Variants in NOD2 observed in about 807,000 individuals in gnomAD.
NOD2 encodes the protein nucleotide-binding oligomerization domain-containing protein 2.
In NOD2, 86 loss-of-function variants were observed where a neutral mutation model predicts 90.9. The ratio of observed to expected loss-of-function variants is 0.95; its 90% confidence interval spans 0.79 to 1.13. The LOEUF is 1.13. Among genes scored for constraint, NOD2 ranks in the 50% most tolerant of loss-of-function variants. The probability of loss-of-function intolerance (pLI) is 0.00; values close to 1 mark genes in which losing one functional copy is unlikely to be tolerated. For missense variants in NOD2, 1,238 were observed against 1,283.8 expected (o/e 0.96, Z 0.55); for synonymous variants, 581 against 554.6 (o/e 1.05, Z -0.67).
intron 2 of NOD2, among the ~76,000 whole-genome samples, chr16:50,704,373 A>G (rs968206000): frequency 6.6e-6 from 1 of 152,130 alleles, no homozygotes; most frequent in African/African-American, 2.4e-5. Flanking sequence ...TATGAAAGTT[A>G]AAATTTCTGA....
chr16:50,711,419 A>AG lies in NOD2; in HGVS notation c.1434dup (p.Ser479ValfsTer73), dbSNP rs754761524. 81 of 1,613,460 alleles carry AG rather than the reference A, an allele frequency of 5.0e-5. No homozygotes were observed. The highest frequency in any genetic ancestry group is 1.1e-4 in the South Asian group (10 of 91,074). ...TGCCACCAGGAACTGTTGCTGCAGG[A>AG]GGGGGGGTCCCCAAAGACCACTACA... is the stretch of plus-strand genomic sequence containing the variant. On this transcript the variant is annotated frameshift_variant, in exon 4 of 12. Coordinates refer to ENST00000647318, the MANE Select transcript of NOD2 (RefSeq NM_001370466.1). LOFTEE classifies it high-confidence loss of function.
chr16:50,731,798 G>A lies in NOD2; in HGVS notation c.3021G>A (p.Arg1007=). The A allele has an allele frequency of 1.9e-6, 3 of 1,613,762 alleles. No homozygotes were observed. The highest frequency in any genetic ancestry group is 3.3e-4 in the Middle Eastern group (2 of 6,056). The change falls in exon 12 of 12, where the codon AGG becomes AGA. Residue 1007 remains arginine, a synonymous_variant. Coordinates refer to ENST00000647318, the MANE Select transcript of NOD2 (RefSeq NM_001370466.1). ...AGGAGGTTGACAAGCTCGGCTGCAG[G>A]GACACCAGACTCTTGCTTTGAAGTC... is the stretch of plus-strand genomic sequence containing the variant. ...SLEEVDKLGC[R]DTRLLL
chr16:50,727,633 G>C (rs1178203042), intron 10 of NOD2: 1 of 333,164 alleles, frequency 3.0e-6, no homozygotes, highest in Non-Finnish European at 6.0e-6. Context: ...CAGTTGGCTA[G>C]AGGTCAGGTA....
chr16:50,718,581 T>G (rs1964904119), intron 6 of NOD2, among the ~76,000 whole-genome samples: 1 of 152,228 alleles, frequency 6.6e-6, no homozygotes. Context: ...ATCATTGTAA[T>G]AGAGAGCACA....
intron 4 of NOD2, among the ~76,000 whole-genome samples, chr16:50,716,378 G>A (rs1964792919): frequency 6.6e-6 from 1 of 152,132 alleles, no homozygotes; most frequent in South Asian, 2.1e-4. Context: ...CCTACGTCCT[G>A]GGCCATCCCC....
In NOD2 at chr16:50,725,481, C is replaced by A; in HGVS notation, c.2802-8C>A. 6.2e-7 allele frequency: 1 copy of A among 1,610,530 alleles called. No individual in the cohort carries two copies. The highest frequency in any genetic ancestry group is 8.5e-7 in the Non-Finnish European group (1 of 1,176,806). ...TATCAACTGGATTTTCTCTCTTCTT[C>A]TCACCAGCCTGGAGGAGAACCATCT... is the stretch of plus-strand genomic sequence containing the variant. On this transcript the variant is annotated splice_polypyrimidine_tract_variant and splice_region_variant and intron_variant, in intron 9 of 11. Coordinates refer to ENST00000647318, the MANE Select transcript of NOD2 (RefSeq NM_001370466.1).
Position 50,711,058 on chromosome 16 carries a change from G to T in NOD2, c.1066G>T (p.Glu356Ter), listed in dbSNP as rs104895477. ...CCTGTTAACCTTTGATGGCTTTGAC[G>T]AGTTCAAGTTCAGGTTCACGGATCG... ...RVLLTFDGFD[E>*]FKFRFTDRER... The change falls in exon 4 of 12, where the codon GAG becomes TAG. Residue 356 changes from glutamate (E) to a stop codon, truncating the protein, a stop_gained. Transcript: ENST00000647318. LOFTEE classifies it high-confidence loss of function. 5.6e-6 allele frequency: 9 copies of T among 1,614,144 alleles called. No individual in the cohort carries two copies. The Admixed American group carries it at 1.5e-4, about 27-fold the overall frequency.
Position 50,711,108 on chromosome 16 carries a change from C to T in NOD2, c.1116C>T (p.Asp372=). 1 of 1,614,182 alleles carries T rather than the reference C, an allele frequency of 6.2e-7. No homozygotes were observed. The highest frequency in any genetic ancestry group is 1.3e-5 in the African/African-American group (1 of 75,066). ...TDRERHCSPT[D]PTSVQTLLFN... ...GTGAACGCCACTGCTCCCCGACCGACCCCACCTCTGTCCAGACCCTGCTCT... is the reference window on the plus strand; with the variant it reads ...GTGAACGCCACTGCTCCCCGACCGATCCCACCTCTGTCCAGACCCTGCTCT... Residue 372 remains aspartate (D), a synonymous_variant, in exon 4 of 12, where the codon GAC becomes GAT. Coordinates refer to ENST00000647318, the MANE Select transcript of NOD2 (RefSeq NM_001370466.1).
At position 50,710,989 on chromosome 16, in the gene NOD2, C is replaced by G. The variant is rs1346043018; in HGVS notation, c.997C>G (p.Gln333Glu). 6.2e-7 allele frequency: 1 copy of G among 1,614,196 alleles called. No homozygotes were observed. The highest frequency in any genetic ancestry group is 8.5e-7 in the Non-Finnish European group (1 of 1,180,036). ...GCACTGCTGTTGGCCTGATGTTGGT[C>G]AAGAAGACATCTTCCAGTTACTCCT... ...FEHCCWPDVG[Q>E]EDIFQLLLDH... Residue 333 changes from glutamine (Q) to glutamate (E), a missense_variant, in exon 4 of 12, where the codon CAA (glutamine) becomes GAA (glutamate). By Grantham distance (29) the Gln-to-Glu change is conservative. Coordinates refer to ENST00000647318, the MANE Select transcript of NOD2 (RefSeq NM_001370466.1).
In NOD2 at chr16:50,725,522, A is replaced by G. The variant is rs756968128; in HGVS notation, c.2835A>G (p.Val945=). ...LEENHLQDEG[V]CSLAEGLKKN... ...AGAACCATCTCCAGGATGAAGGTGT[A>G]TGTTCTCTCGCAGAAGGACTGAAGA... The change falls in exon 10 of 12, where the codon GTA becomes GTG. Residue 945 remains valine, a synonymous_variant. Coordinates refer to ENST00000647318, the MANE Select transcript of NOD2 (RefSeq NM_001370466.1). 6.2e-7 allele frequency: 1 copy of G among 1,614,108 alleles called. No homozygotes were observed. The highest frequency in any genetic ancestry group is 8.5e-7 in the Non-Finnish European group (1 of 1,179,946).
At chr16:50,714,871 A>G (rs1434026056) in intron 4 of NOD2, among the ~76,000 whole-genome samples, 1 of 151,938 alleles carries the variant, frequency 6.6e-6, no homozygotes, top group African/African-American at 2.4e-5. Flanking sequence ...TTTGAATGTT[A>G]CCCACAATGA....
intron 2 of NOD2, among the ~76,000 whole-genome samples, chr16:50,700,830 G>T (rs1963909661): frequency 6.6e-6 from 1 of 152,140 alleles, no homozygotes; most frequent in Non-Finnish European, 1.5e-5. Flanking sequence ...AACTAATATA[G>T]CTTAAATGTT....
intron 3 of NOD2, chr16:50,709,909 A>G: frequency 4.4e-6 from 2 of 452,364 alleles, no homozygotes; most frequent in East Asian, 7.0e-5. Context: ...TCCTGAAAAA[A>G]TCCTTCCAGG....
In NOD2 at chr16:50,722,664, G is replaced by A. The variant is rs1475897503; in HGVS notation, c.2676G>A (p.Leu892=). 1.2e-6 allele frequency: 2 copies of A among 1,614,274 alleles called. No homozygotes were observed. Among genetic ancestry groups the A allele is most frequent in the Admixed American group, 3.3e-5 (2 of 60,038 alleles). Residue 892 remains leucine (L), a synonymous_variant, in exon 8 of 12, where the codon CTG becomes CTA. Coordinates refer to ENST00000647318, the MANE Select transcript of NOD2 (RefSeq NM_001370466.1). ...TGGGTGACGAGGGGGCCCAGGCCCTGGCTGAAGCCTTGGGTGATCACCAGA... is the reference window on the plus strand; with the variant it reads ...TGGGTGACGAGGGGGCCCAGGCCCTAGCTGAAGCCTTGGGTGATCACCAGA... ...NRVGDEGAQA[L]AEALGDHQSL... is the part of the protein sequence containing the mutation.
intron 9 of NOD2, among the ~76,000 whole-genome samples, chr16:50,725,095 C>T (rs543604701): frequency 5.3e-5 from 8 of 152,292 alleles, no homozygotes; most frequent in Admixed American, 4.6e-4. Flanking sequence ...GTCGACTTCC[C>T]CTTATGTATC....
chr16:50,710,551 C>T lies in NOD2; in HGVS notation c.566-7C>T, dbSNP rs750917301. 11 of 1,614,074 alleles carry T rather than the reference C, an allele frequency of 6.8e-6. No individual in the cohort carries two copies. The highest frequency in any genetic ancestry group is 3.3e-4 in the Middle Eastern group (2 of 6,084). ...CACCTTCATCTGCCTCTTCTTCTGC[C>T]TTCCAGCTGCCACATGCAAGAAGTA... is the stretch of plus-strand genomic sequence containing the variant. On this transcript the variant is annotated splice_polypyrimidine_tract_variant and splice_region_variant and intron_variant, in intron 3 of 11. Transcript: ENST00000647318.
intron 6 of NOD2, 133 bp downstream of exon 6, chr16:50,717,107 T>C (rs1964836320): frequency 3.8e-6 from 3 of 788,964 alleles, no homozygotes. Context: ...CAGTGTCTCA[T>C]TTTAAGCAGG....
At chr16:50,716,786 G>T in intron 5 of NOD2, 105 bp from the exon 6 acceptor site, 1 of 1,445,378 alleles carries the variant, frequency 6.9e-7, no homozygotes, top group Non-Finnish European at 9.7e-7. Context: ...GCATGATGGG[G>T]GGTGCAGGTG....
intron 9 of NOD2, among the ~76,000 whole-genome samples, chr16:50,724,596 A>G (rs1480164964): frequency 6.6e-6 from 1 of 152,114 alleles, no homozygotes; most frequent in African/African-American, 2.4e-5. Context: ...CTTTATATGG[A>G]TATAGACTGA....
Sources: allele counts gnomAD v4.1 joint callset (sites outside exome capture counted in the v4.1 genomes callset), GRCh38; gene constraint gnomAD v4.1.1; transcripts MANE v1.5; gene names NCBI Gene and HGNC (gene_info 2026-07-23, HGNC 2026-07-21).